The following POLR2D variants were observed in gnomAD, a reference collection of about 807,000 sequenced individuals.
POLR2D encodes DNA-directed RNA polymerase II subunit RPB4.
In POLR2D, 10 loss-of-function variants were observed where a neutral mutation model predicts 17.6. The observed-to-expected ratio is 0.57, with a 90% CI of 0.35 to 0.96. POLR2D has a LOEUF of 0.96. Among genes scored for constraint, POLR2D ranks in the 40% least tolerant of loss-of-function variants. The pLI is 0.02. For synonymous variants in POLR2D, 52 were observed against 60.2 expected (o/e 0.86, Z 0.63); for missense variants, 126 against 176.4 (o/e 0.71, Z 1.62).
Position 127,852,921 on chromosome 2 carries a change from T to C in POLR2D, c.254+4A>G. On this transcript the variant is annotated splice_donor_region_variant and intron_variant, in intron 2 of 3. Transcript: ENST00000272645. The surrounding 1 kb of genome is among the most constrained non-coding windows in gnomAD (Gnocchi z 4.0). ...ATTAATAAAAACTTTCTTTTAGCAC[T>C]CACCTACGAACACTGGCAATGGTCT... 1.2e-6 allele frequency: 2 copies of C among 1,607,324 alleles called. No individual in the cohort carries two copies. The highest frequency in any genetic ancestry group is 1.7e-6 in the Non-Finnish European group (2 of 1,175,860).
Position 127,847,291 on chromosome 2 carries a change from T to C in POLR2D, c.*816A>G, listed in dbSNP as rs1256032152. 3 of 152,238 alleles carry C rather than the reference T, an allele frequency of 2.0e-5. No individual in the cohort carries two copies. The highest frequency in any genetic ancestry group is 2.0e-4 in the Admixed American group (3 of 15,264). The allele number at this position is 152,238 out of a possible 1,614,324, so 9.4% of individuals were successfully genotyped here. A position where few individuals can be genotyped will look rare whatever the true frequency, so the allele number is the denominator to read the frequency against. On this transcript the variant is annotated 3_prime_UTR_variant, in exon 4 of 4. Coordinates refer to ENST00000272645, the MANE Select transcript of POLR2D (RefSeq NM_004805.4). ...GTAAACACTTCCCATGGCGTGCTTC[T>C]TCCGTCTCCCAGGTTAGGCACAACG...
intron 1 of POLR2D, chr2:127,857,664 A>T: frequency 3.0e-6 from 1 of 336,382 alleles, no homozygotes; most frequent in East Asian, 1.2e-4. Context: ...ATTCTCCGTT[A>T]AAACGCCCAG....
At chr2:127,853,346 C>T (rs1690279220) in intron 1 of POLR2D, among the ~76,000 whole-genome samples, 1 of 152,146 alleles carries the variant, frequency 6.6e-6, no homozygotes, top group Non-Finnish European at 1.5e-5. Context: ...AAGTGATAAG[C>T]ATAGTACTGA....
Position 127,844,124 on chromosome 2 carries a change from A to AAAAAAAAAAAAAC in POLR2D, c.*3982_*3983insGTTTTTTTTTTTT. On this transcript the variant is annotated 3_prime_UTR_variant, in exon 4 of 4. Coordinates refer to ENST00000272645, the MANE Select transcript of POLR2D (RefSeq NM_004805.4). ...GCTGTATCCAAAAAAAAAAAAAAAAAAAGCCTGGTCCTTCCATCCCTTCTA... is the reference window on the plus strand; with the variant it reads ...GCTGTATCCAAAAAAAAAAAAAAAAAAAAAAAAAAAAACAAGCCTGGTCCTTCCATCCCTTCTA... 1 of 147,884 alleles carries AAAAAAAAAAAAAC rather than the reference A, an allele frequency of 6.8e-6. No individual in the cohort carries two copies. Among genetic ancestry groups the AAAAAAAAAAAAAC allele is most frequent in the African/African-American group, 2.5e-5 (1 of 40,140 alleles). The allele number at this position is 147,884 out of a possible 1,614,324, so 9.2% of individuals were successfully genotyped here.
intron 1 of POLR2D, 147 bp downstream of exon 1, chr2:127,857,881 A>G (rs1244261855): frequency 4.4e-6 from 6 of 1,357,184 alleles, no homozygotes; most frequent in Non-Finnish European, 2.8e-6. Flanking sequence ...GTCCCTCCCA[A>G]GGCCATGTTC....
intron 2 of POLR2D, among the ~76,000 whole-genome samples, chr2:127,850,988 A>G (rs986362240): frequency 6.6e-6 from 1 of 152,174 alleles, no homozygotes; most frequent in Non-Finnish European, 1.5e-5. Flanking sequence ...TGGGAGGCCG[A>G]GGCGGGTGGA....
intron 1 of POLR2D, among the ~76,000 whole-genome samples, chr2:127,855,194 C>T (rs1416795901): frequency 1.3e-5 from 2 of 151,798 alleles, no homozygotes; most frequent in Non-Finnish European, 2.9e-5. Flanking sequence ...GTCAGGAGTT[C>T]GAGACCAGCC....
chr2:127,857,813 T>G (rs1384978663), intron 1 of POLR2D: 1 of 1,316,356 alleles, frequency 7.6e-7, no homozygotes, highest in Non-Finnish European at 9.6e-7. Context: ...TCCCCGGAAC[T>G]TCGCAGTTTA....
chr2:127,853,859 C>T (rs112115850), intron 1 of POLR2D, among the ~76,000 whole-genome samples: 209 of 152,308 alleles, frequency 1.4e-3, no homozygotes, highest in African/African-American at 4.7e-3. Context: ...CCACAAGGCA[C>T]AGTGGAGTTC....
intron 1 of POLR2D, chr2:127,856,996 A>G (rs1447941699): frequency 6.6e-6 from 1 of 152,224 alleles, no homozygotes; most frequent in Non-Finnish European, 1.5e-5. Flanking sequence ...AGTTCGTACC[A>G]CTGCACCCCA....
At chr2:127,848,385 G>A (rs1419702077) in intron 3 of POLR2D, among the ~76,000 whole-genome samples, 200 bp from the exon 4 acceptor site, 1 of 151,604 alleles carries the variant, frequency 6.6e-6, no homozygotes, top group Non-Finnish European at 1.5e-5. Flanking sequence ...TACCTTTACA[G>A]TTAGCCCCAC....
chr2:127,855,698 G>A (rs1366533113), intron 1 of POLR2D, among the ~76,000 whole-genome samples: 1 of 152,194 alleles, frequency 6.6e-6, no homozygotes, highest in East Asian at 1.9e-4. Flanking sequence ...GGGGGAGGCA[G>A]TTCAGACACT....
rs76109896 is a variant in POLR2D at position 127,844,107 on chromosome 2, C to CAAAAAAAAAAAAAAAAAAAAAA, written c.*3999_*4000insTTTTTTTTTTTTTTTTTTTTTT. The CAAAAAAAAAAAAAAAAAAAAAA allele has an allele frequency of 7.2e-5, 5 of 69,474 alleles. 2 individuals carry two copies. Among genetic ancestry groups the CAAAAAAAAAAAAAAAAAAAAAA allele is most frequent in the African/African-American group, 1.9e-4 (3 of 15,660 alleles). 4.3% of individuals were successfully genotyped at this position (69,474 alleles called of 1,614,324 possible). ...CGACAGAGCAAGATCCTGCTGTATC[C>CAAAAAAAAAAAAAAAAAAAAAA]AAAAAAAAAAAAAAAAAAAGCCTGG... On this transcript the variant is annotated 3_prime_UTR_variant, in exon 4 of 4. Transcript: ENST00000272645.
intron 2 of POLR2D, among the ~76,000 whole-genome samples, 196 bp from the exon 3 acceptor site, chr2:127,850,881 T>G (rs1690241209): frequency 6.6e-6 from 1 of 151,804 alleles, no homozygotes. Flanking sequence ...ACGTGAGGAG[T>G]TCGAGACCAG....
At position 127,846,414 on chromosome 2, in the gene POLR2D, T is replaced by C. The variant is rs1159252179; in HGVS notation, c.*1693A>G. ...AGTGCCCCAAAGAAAAACCCCAAAA[T>C]TGAAAACAAGTGTATTCCCTTCAGA... On this transcript the variant is annotated 3_prime_UTR_variant, in exon 4 of 4. Transcript: ENST00000272645. The C allele has an allele frequency of 6.6e-6, 1 of 152,166 alleles. No homozygotes were observed. The highest frequency in any genetic ancestry group is 6.6e-5 in the Admixed American group (1 of 15,260). 9.4% of individuals were successfully genotyped at this position (152,166 alleles called of 1,614,324 possible). A position where few individuals can be genotyped will look rare whatever the true frequency, so the allele number is the denominator to read the frequency against.
At position 127,845,401 on chromosome 2, in the gene POLR2D, G is replaced by A. The variant is rs1198894139; in HGVS notation, c.*2706C>T. On this transcript the variant is annotated 3_prime_UTR_variant, in exon 4 of 4. Transcript: ENST00000272645. ...TTTTTTTTTTTTTTTTTTTGAGACA[G>A]TTTCGCTCTTGTTGCCTAGGCTGGA... 2 of 91,202 alleles carry A rather than the reference G, an allele frequency of 2.2e-5. No homozygotes were observed. The highest frequency in any genetic ancestry group is 4.2e-5 in the Non-Finnish European group (2 of 47,364). 5.6% of individuals were successfully genotyped at this position (91,202 alleles called of 1,614,324 possible).
intron 3 of POLR2D, 66 bp from the exon 4 acceptor site, chr2:127,848,251 G>A: frequency 9.9e-7 from 1 of 1,008,552 alleles, no homozygotes; most frequent in Non-Finnish European, 1.5e-6. Flanking sequence ...CTTCTTTGAG[G>A]CGTGCTAATC....
chr2:127,855,417 A>AG (rs1553486346), intron 1 of POLR2D, among the ~76,000 whole-genome samples: 2,526 of 146,900 alleles, frequency 0.017, 66 homozygotes, highest in African/African-American at 0.064. Context: ...AAAAAAAAAA[A>AG]AGAGAGATGG....
intron 2 of POLR2D, among the ~76,000 whole-genome samples, chr2:127,851,050 G>A (rs1313465146): frequency 6.6e-6 from 1 of 151,958 alleles, no homozygotes; most frequent in African/African-American, 2.4e-5. Context: ...GTGAAACCCC[G>A]TCTCTACTAA....
Sources: allele counts gnomAD v4.1 joint callset (sites outside exome capture counted in the v4.1 genomes callset), GRCh38; gene constraint gnomAD v4.1.1; non-coding constraint Gnocchi (gnomAD v3.1); transcripts MANE v1.5; gene names NCBI Gene and HGNC (gene_info 2026-07-23, HGNC 2026-07-21).